The following JAKMIP1 variants were observed in gnomAD, a reference collection of about 807,000 sequenced individuals.
The protein encoded by JAKMIP1 is janus kinase and microtubule-interacting protein 1.
JAKMIP1 carries 33 observed loss-of-function variants against 113.0 expected under a neutral mutation model. The observed-to-expected ratio is 0.29, with a 90% CI of 0.22 to 0.39. The LOEUF (loss-of-function observed/expected upper bound fraction) is 0.39, where lower values mean the gene tolerates loss of function less well. Among genes scored for constraint, JAKMIP1 ranks in the 10% least tolerant of loss-of-function variants. The pLI, the probability that JAKMIP1 is intolerant of heterozygous loss-of-function variation, is 1.00. For synonymous variants in JAKMIP1, 480 were observed against 459.9 expected (o/e 1.04, Z -0.56); for missense variants, 813 against 1,080.5 (o/e 0.75, Z 3.47).
rs558551430 is a variant in JAKMIP1 at position 6,142,557 on chromosome 4, A to T, written c.-147-29560T>A. On this transcript the variant is annotated intron_variant, in intron 1 of 20. Transcript: ENST00000409021. The surrounding 1 kb of genome is among the most constrained non-coding windows in gnomAD (Gnocchi z 5.5). Reference sequence around the variant, plus strand: ...CACTTTTTTTAAGCTACCATATCACAATAATCAGAATTCCAACCCTAAATC... The same window carrying T: ...CACTTTTTTTAAGCTACCATATCACTATAATCAGAATTCCAACCCTAAATC... Among the ~76,000 whole-genome samples, 2 of 152,346 alleles carry T rather than the reference A, an allele frequency of 1.3e-5. No homozygotes were observed. The highest frequency in any genetic ancestry group is 1.9e-4 in the East Asian group (1 of 5,188).
chr4:6,109,711 C>T (rs971576436), intron 2 of JAKMIP1, among the ~76,000 whole-genome samples: 1 of 152,010 alleles, frequency 6.6e-6, no homozygotes, highest in African/African-American at 2.4e-5. Flanking sequence ...ACACGTTTAC[C>T]ACCCTCCTTC....
At chr4:6,104,078 T>C (rs1288349212) in intron 3 of JAKMIP1, among the ~76,000 whole-genome samples, 2 of 152,228 alleles carry the variant, frequency 1.3e-5, no homozygotes, top group African/African-American at 4.8e-5. Flanking sequence ...ATTTCTTCTT[T>C]TTGTCTAAAA....
Position 6,135,546 on chromosome 4 carries a change from G to A in JAKMIP1, c.-147-22549C>T, listed in dbSNP as rs1361671739. On this transcript the variant is annotated intron_variant, in intron 1 of 20. Transcript: ENST00000409021. The surrounding 1 kb of genome is among the most constrained non-coding windows in gnomAD (Gnocchi z 4.9). ...CTTGAGCTGCCCGACCCCACTCCAC[G>A]GACGGGGATTTCCCAGGTCCAGCCT... Among the ~76,000 whole-genome samples, 2 of 152,116 alleles carry A rather than the reference G, an allele frequency of 1.3e-5. No homozygotes were observed. Among genetic ancestry groups the A allele is most frequent in the East Asian group, 1.9e-4 (1 of 5,176 alleles).
chr4:6,166,021 C>T (rs1362395929), intron 1 of JAKMIP1, among the ~76,000 whole-genome samples: 2 of 152,192 alleles, frequency 1.3e-5, no homozygotes, highest in Non-Finnish European at 2.9e-5. Context: ...ACTCCACTTT[C>T]ACGTCACCTC....
At chr4:6,075,377 A>G (rs1648546533) in intron 8 of JAKMIP1, among the ~76,000 whole-genome samples, 1 of 152,228 alleles carries the variant, frequency 6.6e-6, no homozygotes, top group Non-Finnish European at 1.5e-5. Context: ...ACCCTGGATT[A>G]CAAAACCTGC....
At position 6,080,364 on chromosome 4, in the gene JAKMIP1, G is replaced by C; in HGVS notation, c.1102-52C>G. ...ACAGGGTTACCCGCCAACAGTGTTT[G>C]TTAGGGACAGTGCTGGAGTGGAGCT... On this transcript the variant is annotated intron_variant, in intron 6 of 20. Coordinates refer to ENST00000409021, the MANE Select transcript of JAKMIP1 (RefSeq NM_001099433.2). The surrounding 1 kb of genome is among the most constrained non-coding windows in gnomAD (Gnocchi z 6.0). 1.3e-6 allele frequency: 2 copies of C among 1,595,542 alleles called. No individual in the cohort carries two copies. The highest frequency in any genetic ancestry group is 1.7e-6 in the Non-Finnish European group (2 of 1,170,204).
intron 1 of JAKMIP1, among the ~76,000 whole-genome samples, chr4:6,148,995 G>T (rs1377206828): frequency 6.6e-6 from 1 of 152,160 alleles, no homozygotes; most frequent in Non-Finnish European, 1.5e-5. Flanking sequence ...TGGTGCCACG[G>T]ATGCTTTAGG....
chr4:6,156,231 C>T lies in JAKMIP1; in HGVS notation c.-147-43234G>A, dbSNP rs1722225434. 6.6e-6 allele frequency among the ~76,000 whole-genome samples: 1 copy of T among 152,236 alleles called. No homozygotes were observed. The highest frequency in any genetic ancestry group is 1.5e-5 in the Non-Finnish European group (1 of 68,036). ...GCGCAAAGCCAGCCCTCGGAAGTGGCCCGCCAACACAGGAACAAGCGAATG... is the reference window on the plus strand; with the variant it reads ...GCGCAAAGCCAGCCCTCGGAAGTGGTCCGCCAACACAGGAACAAGCGAATG... On this transcript the variant is annotated intron_variant, in intron 1 of 20. Transcript: ENST00000409021. This position sits in a 1 kb window ranked among gnomAD's most constrained non-coding sequence, Gnocchi z 5.0.
intron 1 of JAKMIP1, among the ~76,000 whole-genome samples, chr4:6,131,308 T>C (rs1718487518): frequency 6.8e-6 from 1 of 147,084 alleles, no homozygotes; most frequent in South Asian, 2.1e-4. Context: ...ACAAAATTAA[T>C]GTCAGACACC....
At chr4:6,103,058 G>T (rs77550860) in intron 3 of JAKMIP1, among the ~76,000 whole-genome samples, 1 of 152,070 alleles carries the variant, frequency 6.6e-6, no homozygotes, top group African/African-American at 2.4e-5. Flanking sequence ...ATGTTGACTA[G>T]AAGTGGTAAT....
rs191247316 is a variant in JAKMIP1, at chr4:6,139,494, G to A, written c.-147-26497C>T. On this transcript the variant is annotated intron_variant, in intron 1 of 20. Transcript: ENST00000409021. This position sits in a 1 kb window ranked among gnomAD's most constrained non-coding sequence, Gnocchi z 5.2. ...ACAAAAAGAAGAAATGGGGCTGGTC[G>A]TGGTGGCTCACGCCTGTAACCCCAG... 5.5e-4 allele frequency among the ~76,000 whole-genome samples: 83 copies of A among 152,212 alleles called. 1 individual carries two copies. The East Asian group carries it at 0.015, about 27-fold the overall frequency.
rs7666392 is a variant in JAKMIP1, at chr4:6,158,076, T to A, written c.-148+42177A>T. On this transcript the variant is annotated intron_variant, in intron 1 of 20. Coordinates refer to ENST00000409021, the MANE Select transcript of JAKMIP1 (RefSeq NM_001099433.2). The surrounding 1 kb of genome is among the most constrained non-coding windows in gnomAD (Gnocchi z 5.3). ...AAGCTGTCGGCCAGCGCCGTCCCTCTCCCTGTGTGAGACGCTGGTCAAGTT... is the reference window on the plus strand; with the variant it reads ...AAGCTGTCGGCCAGCGCCGTCCCTCACCCTGTGTGAGACGCTGGTCAAGTT... Among the ~76,000 whole-genome samples the A allele has an allele frequency of 0.091, 13,906 of 152,222 alleles. 1,269 individuals carry two copies. The highest frequency in any genetic ancestry group is 0.22 in the African/African-American group (9,019 of 41,504).
Position 6,141,500 on chromosome 4 carries a change from G to A in JAKMIP1, c.-147-28503C>T, listed in dbSNP as rs80019540. On this transcript the variant is annotated intron_variant, in intron 1 of 20. Coordinates refer to ENST00000409021, the MANE Select transcript of JAKMIP1 (RefSeq NM_001099433.2). The surrounding 1 kb of genome is among the most constrained non-coding windows in gnomAD (Gnocchi z 9.4). ...AAACACAAAAAACAAAGTGGTAGAT[G>A]AAACCCTTCCTGGGTTGCTGCTTTA... 0.13 allele frequency among the ~76,000 whole-genome samples: 19,225 copies of A among 152,172 alleles called. 1,286 individuals are homozygous for A. Among genetic ancestry groups the A allele is most frequent in the Middle Eastern group, 0.17 (51 of 292 alleles).
chr4:6,035,747 T>C (rs1277832678), intron 19 of JAKMIP1, among the ~76,000 whole-genome samples, 157 bp downstream of exon 19: 2 of 152,224 alleles, frequency 1.3e-5, no homozygotes, highest in African/African-American at 4.8e-5. Context: ...GGAGATATGA[T>C]GGGCATCTAT....
chr4:6,166,981 T>C (rs1723717994), intron 1 of JAKMIP1, among the ~76,000 whole-genome samples: 1 of 151,770 alleles, frequency 6.6e-6, no homozygotes, highest in African/African-American at 2.4e-5. Context: ...CTGATCGTCA[T>C]TCAGAATAGG....
chr4:6,098,893 G>A (rs963383275), intron 3 of JAKMIP1, among the ~76,000 whole-genome samples: 3 of 152,160 alleles, frequency 2.0e-5, no homozygotes, highest in Admixed American at 1.3e-4. Flanking sequence ...TAGTTTTTAC[G>A]CTTCTTAAAC....
rs138942029 is a variant in JAKMIP1 at position 6,121,574 on chromosome 4, C to T, written c.-147-8577G>A. ...TATGCAGTAGAGAAGTGTACGCCAT[C>T]ACAACAGACGTGCAGGCTGCCCCCG... On this transcript the variant is annotated intron_variant, in intron 1 of 20. Transcript: ENST00000409021. Among the ~76,000 whole-genome samples, 927 of 152,356 alleles carry T rather than the reference C, an allele frequency of 6.1e-3. 6 individuals are homozygous for T. The highest frequency in any genetic ancestry group is 0.021 in the African/African-American group (880 of 41,580).
intron 8 of JAKMIP1, among the ~76,000 whole-genome samples, chr4:6,066,482 C>T (rs1333434035): frequency 5.9e-5 from 9 of 152,140 alleles, no homozygotes; most frequent in Admixed American, 5.2e-4. Flanking sequence ...ATACGACTCT[C>T]CCCCGAACTC....
intron 16 of JAKMIP1, among the ~76,000 whole-genome samples, chr4:6,046,035 C>A (rs771817402): frequency 1.3e-5 from 2 of 152,218 alleles, no homozygotes; most frequent in Non-Finnish European, 2.9e-5. Context: ...GGTGCTCACC[C>A]CCTTTGCAAA....
Sources: gnomAD v4.1 joint callset for allele counts (sites outside exome capture counted in the v4.1 genomes callset) on GRCh38, gnomAD v4.1.1 for gene constraint, Gnocchi (gnomAD v3.1) non-coding constraint, MANE v1.5 for transcripts, NCBI Gene and HGNC (gene_info 2026-07-23, HGNC 2026-07-21) for gene names.